ZNF117: variants seen among roughly 807,000 people sequenced by gnomAD.
The protein encoded by ZNF117 is zinc finger protein 117.
ZNF117 carries 37 observed loss-of-function variants against 41.2 expected under a neutral mutation model. The observed-to-expected ratio is 0.90, with a 90% CI of 0.69 to 1.18. The LOEUF is 1.18. ZNF117 is among the 50% of genes most tolerant of loss of function. The pLI, the probability that ZNF117 is intolerant of heterozygous loss-of-function variation, is 0.00. For missense variants in ZNF117, 546 were observed against 557.5 expected (o/e 0.98, Z 0.21); for synonymous variants, 186 against 186.6 (o/e 1.00, Z 0.02).
exon 3 of ZNF117, chr7:64,975,509 T>C (rs1215467977): frequency 6.6e-6 from 1 of 151,944 alleles, no homozygotes; most frequent in Admixed American, 6.6e-5. Flanking sequence ...AGGTAAAAAA[T>C]ATTGCCCACC....
chr7:64,983,862 T>C (rs2129119921), upstream of ZNF117, among the ~76,000 whole-genome samples: 1 of 152,096 alleles, frequency 6.6e-6, no homozygotes, highest in African/African-American at 2.4e-5. Context: ...TGAGAAAAAT[T>C]GTATTGAGAG....
exon 3 of ZNF117, chr7:64,978,659 G>T: frequency 6.2e-7 from 1 of 1,612,420 alleles, no homozygotes; most frequent in East Asian, 2.2e-5. Flanking sequence ...CACATTTGTA[G>T]GGCTTCTCTC....
chr7:64,975,758 GATT>G (rs1302248792), exon 3 of ZNF117: 3 of 151,620 alleles, frequency 2.0e-5, no homozygotes, highest in Non-Finnish European at 2.9e-5. Context: ...TTTAATTTTG[GATT>G]ATTTTCTGTA....
At position 64,989,479 on chromosome 7, in the gene ZNF117, ATATATATATATATATATAT is replaced by A. The variant is rs1562649402; in HGVS notation, c.-196+449_-196+467del. ...TATATATATATATATATATATATAT[ATATATATATATATATATAT>A]AAAACCTGAAAATAATCTAGAAAAT... On this transcript the variant is annotated intron_variant, in intron 1 of 3. Coordinates refer to the ZNF117 transcript ENST00000282869. 1.6e-3 allele frequency among the ~76,000 whole-genome samples: 177 copies of A among 107,440 alleles called. 2 individuals are homozygous for A. Among genetic ancestry groups the A allele is most frequent in the Admixed American group, 3.9e-3 (43 of 11,038 alleles). 70.5% of individuals were successfully genotyped at this position (107,440 alleles called of 152,430 possible). A position where few individuals can be genotyped will look rare whatever the true frequency, so the allele number is the denominator to read the frequency against.
chr7:64,981,853 A>G, intron 1 of ZNF117, 131 bp downstream of exon 2: 1 of 368,224 alleles, frequency 2.7e-6, no homozygotes, highest in Non-Finnish European at 4.9e-6. Flanking sequence ...CTACAATGAC[A>G]AATCTAAAAG....
intron 2 of ZNF117, chr7:64,979,777 G>C (rs1785986112): frequency 3.5e-6 from 1 of 286,424 alleles, no homozygotes; most frequent in African/African-American, 2.2e-5. Flanking sequence ...AATTCCAAAA[G>C]CCACATGGAA....
In ZNF117 at chr7:64,978,571, T is replaced by C. The variant is rs778409606; in HGVS notation, c.1000A>G (p.Lys334Glu). 5.6e-6 allele frequency: 9 copies of C among 1,613,132 alleles called. No individual in the cohort carries two copies. The South Asian group carries it at 8.8e-5, about 16-fold the overall frequency. Residue 334 changes from lysine (K) to glutamate (E), a missense_variant, in exon 3 of 3, where the codon AAA becomes GAA. Physicochemically the swap from Lys to Glu is moderately conservative, Grantham distance 56. Coordinates refer to ENST00000620222, the Ensembl canonical transcript of ZNF117. ...AAAGCTTTGCCACATTCCTCACATT[T>C]GTAGGGTTTCTCTCCAGTATGAATT...
intron 1 of ZNF117, among the ~76,000 whole-genome samples, chr7:64,987,487 A>ATCAAGAAAT (rs1465969060): frequency 6.6e-6 from 1 of 152,332 alleles, no homozygotes; most frequent in East Asian, 1.9e-4. Flanking sequence ...TATACAAAAG[A>ATCAAGAAAT]TCAAGAAATC....
chr7:64,985,031 AT>A, upstream of ZNF117, among the ~76,000 whole-genome samples: 1 of 152,258 alleles, frequency 6.6e-6, no homozygotes, highest in East Asian at 1.9e-4. Context: ...ACCTCAGGTG[AT>A]CCACCCACCT....
chr7:64,978,954 G>A lies in ZNF117; in HGVS notation c.617C>T (p.Ser206Leu), dbSNP rs748662658. Residue 206 changes from serine (S) to leucine (L), a missense_variant, in exon 3 of 3, where the codon TCG becomes TTG. By Grantham distance (145) the Ser-to-Leu change is moderately radical. Coordinates refer to ENST00000620222, the Ensembl canonical transcript of ZNF117. The stretch of plus-strand genomic sequence containing the variant: ...AATTATATTATGTGTAGTAAGGGTC[G>A]ATGACTGGTTAAAGGCTTTGCCACA... 16 of 1,613,428 alleles carry A rather than the reference G, an allele frequency of 9.9e-6. No homozygotes were observed. Among genetic ancestry groups the A allele is most frequent in the Middle Eastern group, 1.7e-4 (1 of 6,056 alleles).
At chr7:64,977,641 C>T (rs1333150921) in exon 3 of ZNF117, 1 of 739,492 alleles carries the variant, frequency 1.4e-6, no homozygotes, top group Non-Finnish European at 2.3e-6. Context: ...CCACATTCTT[C>T]ACACTTGTAG....
At chr7:64,981,104 A>C (rs1004890933) in intron 2 of ZNF117, 42 of 323,190 alleles carry the variant, frequency 1.3e-4, no homozygotes, top group Non-Finnish European at 2.1e-4. Flanking sequence ...AAACAACAAC[A>C]AAAAAAAACC....
chr7:64,978,172 G>T (rs766142269), exon 3 of ZNF117: 27 of 1,612,032 alleles, frequency 1.7e-5, no homozygotes, highest in Non-Finnish European at 2.2e-5. Context: ...TCTTCAGTAT[G>T]AATTATCTTA....
At chr7:64,989,775 A>AAAG (rs56156830) in intron 1 of ZNF117, among the ~76,000 whole-genome samples, 172 bp downstream of exon 1, 131,894 of 150,558 alleles carry the variant, frequency 0.88, 58,699 homozygotes, top group South Asian at 0.97. Context: ...TTTTAAAAAA[A>AAAG]AAGAAGAAGA....
At chr7:64,989,246 C>T (rs1786200361) in intron 1 of ZNF117, among the ~76,000 whole-genome samples, 1 of 150,040 alleles carries the variant, frequency 6.7e-6, no homozygotes, top group Non-Finnish European at 1.5e-5. Context: ...ATAAATAATG[C>T]CACAATGCCA....
At chr7:64,976,817 A>T (rs887391019) in exon 3 of ZNF117, 1 of 394,092 alleles carries the variant, frequency 2.5e-6, no homozygotes, top group African/African-American at 2.1e-5. Flanking sequence ...TCAGGTTTGT[A>T]AAGTTTCCAG....
At chr7:64,978,667 C>T (rs746394195) in exon 3 of ZNF117, 4 of 1,612,830 alleles carry the variant, frequency 2.5e-6, no homozygotes, top group Admixed American at 1.7e-5. Context: ...TAGGGCTTCT[C>T]TCCACTATGA....
At chr7:64,990,838 A>C (rs62456475) in exon 1 of ZNF117, 5,941 of 159,714 alleles carry the variant, frequency 0.037, 166 homozygotes, top group East Asian at 0.14. Context: ...CTCCAGCAGG[A>C]CTTTGGAGTG....
Position 64,979,060 on chromosome 7 carries a change from C to A in ZNF117, c.511G>T (p.Gly171Cys), listed in dbSNP as rs1012012365. 11 of 1,612,948 alleles carry A rather than the reference C, an allele frequency of 6.8e-6. No homozygotes were observed. The highest frequency in any genetic ancestry group is 9.3e-6 in the Non-Finnish European group (11 of 1,179,644). Residue 171 changes from glycine (G) to cysteine (C), a missense_variant, in exon 3 of 3, where the codon GGC becomes TGC. Transcript: ENST00000620222. ...TGTGAGGTCTGGTTAAAGGCTTTGC[C>A]ACATTCTTTACATTTGTAAGGTTTT...
Sources: allele counts gnomAD v4.1 joint callset (sites outside exome capture counted in the v4.1 genomes callset), GRCh38; gene constraint gnomAD v4.1.1; transcripts MANE v1.5; gene names NCBI Gene and HGNC (gene_info 2026-07-23, HGNC 2026-07-21).